CTSS: variants seen among roughly 807,000 people sequenced by gnomAD.
CTSS encodes the protein cathepsin S.
Under a neutral mutation model 39.9 loss-of-function variants are expected in CTSS, and 15 were observed. The observed-to-expected ratio is 0.38, with a 90% CI of 0.25 to 0.58. The LOEUF (loss-of-function observed/expected upper bound fraction) is 0.58. Among genes scored for constraint, CTSS ranks in the 20% least tolerant of loss-of-function variants. The pLI is 0.70. For missense variants in CTSS, 250 were observed against 398.2 expected, an observed-to-expected ratio of 0.63 and a Z score of 3.17; for synonymous variants, 126 against 138.2, an observed-to-expected ratio of 0.91 and a Z score of 0.62.
intron 2 of CTSS, among the ~76,000 whole-genome samples, chr1:150,759,135 G>A (rs777506751): frequency 6.6e-6 from 1 of 150,918 alleles, no homozygotes; most frequent in Non-Finnish European, 1.5e-5. Context: ...CTCCCAAAGT[G>A]CTGGGATTAC....
chr1:150,751,350 C>T (rs909820304), intron 5 of CTSS, among the ~76,000 whole-genome samples: 1 of 152,048 alleles, frequency 6.6e-6, no homozygotes. Context: ...TGAGTTCAAG[C>T]GATTCTCCTG....
intron 3 of CTSS, 125 bp downstream of exon 3, chr1:150,757,733 G>A: frequency 1.1e-6 from 1 of 897,438 alleles, no homozygotes; most frequent in Admixed American, 3.1e-5. Flanking sequence ...CAATTCTACT[G>A]TTTTCCAACT....
intron 7 of CTSS, among the ~76,000 whole-genome samples, chr1:150,739,872 A>C (rs930991000): frequency 2.1e-5 from 3 of 146,134 alleles, no homozygotes; most frequent in East Asian, 4.0e-4. Context: ...AACTAAAATT[A>C]AAGAAGTTAA....
At chr1:150,748,397 A>G (rs1469861246) in intron 6 of CTSS, 2 of 151,722 alleles carry the variant, frequency 1.3e-5, no homozygotes, top group Middle Eastern at 3.4e-3. Context: ...GCTTAGCATC[A>G]CTCCAGTCAT....
At chr1:150,756,762 G>A (rs1157306657) in intron 3 of CTSS, among the ~76,000 whole-genome samples, 1 of 147,292 alleles carries the variant, frequency 6.8e-6, no homozygotes, top group East Asian at 2.0e-4. Context: ...TTTTGCCCAG[G>A]CTGGAGTGCA....
intron 3 of CTSS, among the ~76,000 whole-genome samples, chr1:150,757,450 A>G (rs1291598083): frequency 6.6e-6 from 1 of 152,204 alleles, no homozygotes; most frequent in Non-Finnish European, 1.5e-5. Context: ...CTGAAAACCA[A>G]TAGGGGATTA....
chr1:150,744,995 T>C (rs907550278), intron 7 of CTSS, among the ~76,000 whole-genome samples: 4 of 152,062 alleles, frequency 2.6e-5, no homozygotes, highest in African/African-American at 9.7e-5. Context: ...AATAGTTTCA[T>C]TTTAAAAAGC....
rs954350953 is a variant in CTSS at position 150,733,020 on chromosome 1, G to C, written c.*26C>G. ...TAAGAGAAAGTGCTTCATATTTCTT[G>C]ATTTGTTATAAAAAGGAGAGATCCT... On this transcript the variant is annotated 3_prime_UTR_variant, in exon 8 of 8. Coordinates refer to ENST00000368985, the MANE Select transcript of CTSS (RefSeq NM_004079.5). The C allele has an allele frequency of 4.0e-6, 6 of 1,507,014 alleles. No individual in the cohort carries two copies. Among genetic ancestry groups the C allele is most frequent in the Non-Finnish European group, 4.6e-6 (5 of 1,090,082 alleles). 93.4% of individuals were successfully genotyped at this position (1,507,014 alleles called of 1,614,324 possible).
chr1:150,761,457 C>T (rs778542391), intron 2 of CTSS, among the ~76,000 whole-genome samples: 5 of 152,040 alleles, frequency 3.3e-5, no homozygotes, highest in Admixed American at 6.6e-5. Flanking sequence ...ATAGGCCGGG[C>T]GTGGTGGCTC....
intron 7 of CTSS, among the ~76,000 whole-genome samples, chr1:150,740,534 G>A (rs1431186377): frequency 6.6e-6 from 1 of 152,056 alleles, no homozygotes; most frequent in Non-Finnish European, 1.5e-5. Context: ...GGGACTACAG[G>A]CATGCGCCAC....
At chr1:150,749,200 C>T (rs1162144818) in intron 6 of CTSS, among the ~76,000 whole-genome samples, 4 of 152,118 alleles carry the variant, frequency 2.6e-5, no homozygotes, top group Non-Finnish European at 4.4e-5. Context: ...TTAAGCTTAG[C>T]GGGAAAGGCA....
At chr1:150,740,334 A>C (rs1028774477) in intron 7 of CTSS, among the ~76,000 whole-genome samples, 2 of 152,194 alleles carry the variant, frequency 1.3e-5, no homozygotes, top group Admixed American at 6.5e-5. Flanking sequence ...TTAAAAAATG[A>C]ATAGGATTTG....
At chr1:150,739,998 A>G (rs1036698302) in intron 7 of CTSS, among the ~76,000 whole-genome samples, 2 of 152,212 alleles carry the variant, frequency 1.3e-5, no homozygotes, top group Non-Finnish European at 2.9e-5. Context: ...CCTTCACTCC[A>G]TTAGACTATG....
rs1652548120 is a variant in CTSS at position 150,732,655 on chromosome 1, C to T, written c.*391G>A. On this transcript the variant is annotated 3_prime_UTR_variant, in exon 8 of 8. Transcript: ENST00000368985. ...CAGAGTCTCCACTCTGTCATCCAGGCTGGAGTACAGTGGTGTGATCTCAGC... is the reference window on the plus strand; with the variant it reads ...CAGAGTCTCCACTCTGTCATCCAGGTTGGAGTACAGTGGTGTGATCTCAGC... 1 of 153,934 alleles carries T rather than the reference C, an allele frequency of 6.5e-6. No individual in the cohort carries two copies. The highest frequency in any genetic ancestry group is 1.4e-5 in the Non-Finnish European group (1 of 69,224). The allele number at this position is 153,934 out of a possible 1,614,324, so 9.5% of individuals were successfully genotyped here.
intron 7 of CTSS, among the ~76,000 whole-genome samples, chr1:150,744,469 A>G (rs1419230244): frequency 3.3e-5 from 1 of 30,168 alleles, no homozygotes; most frequent in Non-Finnish European, 6.2e-5. Context: ...TACATAATAT[A>G]TTATATATTA....
intron 2 of CTSS, among the ~76,000 whole-genome samples, chr1:150,761,194 AAAAGAG>A (rs1272570205): frequency 3.3e-5 from 5 of 151,648 alleles, no homozygotes; most frequent in Admixed American, 6.6e-5. Context: ...AAAAAAAAAA[AAAAGAG>A]AGAAGAAAGA....
chr1:150,747,196 A>C (rs1173134566), intron 7 of CTSS, among the ~76,000 whole-genome samples: 2 of 152,084 alleles, frequency 1.3e-5, no homozygotes, highest in Admixed American at 1.3e-4. Context: ...TTATTGGGTG[A>C]TTGTGTTGTG....
At chr1:150,741,315 A>G (rs946520708) in intron 7 of CTSS, among the ~76,000 whole-genome samples, 17 of 152,198 alleles carry the variant, frequency 1.1e-4, no homozygotes, top group African/African-American at 3.6e-4. Context: ...TATACTACAT[A>G]TAAATTTTGT....
intron 3 of CTSS, among the ~76,000 whole-genome samples, chr1:150,755,836 A>G (rs1163038758): frequency 2.0e-5 from 3 of 152,082 alleles, no homozygotes; most frequent in African/African-American, 7.2e-5. Flanking sequence ...GTGAGTGGAG[A>G]GTGAATGTGA....
Sources: allele counts gnomAD v4.1 joint callset (sites outside exome capture counted in the v4.1 genomes callset), GRCh38; gene constraint gnomAD v4.1.1; transcripts MANE v1.5; gene names NCBI Gene and HGNC (gene_info 2026-07-23, HGNC 2026-07-21).